Variants in SLC25A48 observed in about 807,000 individuals in gnomAD.
SLC25A48 encodes CTC-321K16.1.
Under a neutral mutation model 32.2 loss-of-function variants are expected in SLC25A48, and 29 were observed. That is an observed-to-expected ratio of 0.90 (90% confidence interval 0.67 to 1.23). The LOEUF is 1.23. Among genes scored for constraint, SLC25A48 ranks in the 50% most tolerant of loss-of-function variants. The pLI is 0.00. For synonymous variants in SLC25A48, 164 were observed against 172.3 expected (o/e 0.95, Z 0.38); for missense variants, 399 against 422.7 (o/e 0.94, Z 0.49).
chr5:135,722,864 T>C (rs563032212), intron 3 of SLC25A48, among the ~76,000 whole-genome samples: 50 of 152,362 alleles, frequency 3.3e-4, no homozygotes, highest in African/African-American at 1.2e-3. Context: ...TGTGATGGGC[T>C]CAGGCTTTTC....
intron 3 of SLC25A48, among the ~76,000 whole-genome samples, chr5:135,666,834 G>T (rs1312519515): frequency 6.6e-6 from 1 of 152,214 alleles, no homozygotes; most frequent in African/African-American, 2.4e-5. Flanking sequence ...GGCCAAGGGT[G>T]TAGGGTGGTG....
At chr5:135,823,917 G>C (rs1757956540) in intron 4 of SLC25A48, among the ~76,000 whole-genome samples, 1 of 152,204 alleles carries the variant, frequency 6.6e-6, no homozygotes, top group Non-Finnish European at 1.5e-5. Context: ...GGCTGGACTG[G>C]ACAGAGTGAA....
In SLC25A48 at chr5:135,834,954, A is replaced by G. The variant is rs374282466; in HGVS notation, c.46+61A>G. 3.8e-5 allele frequency: 59 copies of G among 1,553,612 alleles called. No homozygotes were observed. The East Asian group carries it at 8.6e-4, about 23-fold the overall frequency. ...AGCGAGCCTGGCGGAGTTTGCCTCT[A>G]TGCTCTGAGGAAACTTTGCCTCTGT... On this transcript the variant is annotated intron_variant, in intron 1 of 7. Coordinates refer to ENST00000681962, the MANE Select transcript of SLC25A48 (RefSeq NM_001349336.2).
chr5:135,817,650 AAC>A (rs1020411737), intron 4 of SLC25A48, among the ~76,000 whole-genome samples: 2 of 152,230 alleles, frequency 1.3e-5, no homozygotes, highest in Non-Finnish European at 2.9e-5. Context: ...GCATACAAAA[AAC>A]ACAAAAAATA....
At chr5:135,647,493 A>C (rs1483790847) in intron 3 of SLC25A48, among the ~76,000 whole-genome samples, 5 of 148,738 alleles carry the variant, frequency 3.4e-5, no homozygotes, top group Admixed American at 3.3e-4. Context: ...CTTGTCCCCA[A>C]ATCTCTGTAA....
intron 3 of SLC25A48, among the ~76,000 whole-genome samples, chr5:135,704,638 T>C (rs1754467453): frequency 6.6e-6 from 1 of 152,226 alleles, no homozygotes; most frequent in African/African-American, 2.4e-5. Flanking sequence ...ACCTTACATG[T>C]GTGATCTCAT....
intron 3 of SLC25A48, among the ~76,000 whole-genome samples, chr5:135,669,194 C>A (rs548019022): frequency 9.9e-5 from 15 of 152,220 alleles, no homozygotes; most frequent in African/African-American, 3.6e-4. Flanking sequence ...CTTCAAAGAA[C>A]CTATCTGATA....
At chr5:135,684,734 A>C (rs1185550899) in intron 3 of SLC25A48, among the ~76,000 whole-genome samples, 2 of 152,210 alleles carry the variant, frequency 1.3e-5, no homozygotes, top group Non-Finnish European at 2.9e-5. Flanking sequence ...TTTACGGTAG[A>C]TGTTGAAATT....
intron 4 of SLC25A48, among the ~76,000 whole-genome samples, chr5:135,820,041 C>A (rs1273736527): frequency 1.3e-5 from 2 of 151,732 alleles, no homozygotes; most frequent in African/African-American, 4.8e-5. Context: ...TAAACATACA[C>A]TTACCATGTG....
intron 3 of SLC25A48, among the ~76,000 whole-genome samples, chr5:135,771,309 C>T (rs537816888): frequency 6.6e-6 from 1 of 151,626 alleles, no homozygotes; most frequent in African/African-American, 2.4e-5. Flanking sequence ...TGATAACACT[C>T]TCCATATCGC....
chr5:135,796,797 G>A (rs1757192528), intron 3 of SLC25A48, among the ~76,000 whole-genome samples: 1 of 151,686 alleles, frequency 6.6e-6, no homozygotes. Flanking sequence ...GGGGAAAAAG[G>A]ATGATATTAC....
At chr5:135,776,161 C>A (rs1299653865) in intron 3 of SLC25A48, among the ~76,000 whole-genome samples, 1 of 151,390 alleles carries the variant, frequency 6.6e-6, no homozygotes, top group Non-Finnish European at 1.5e-5. Flanking sequence ...AGGGATTGTA[C>A]ACCTCACTTA....
intron 3 of SLC25A48, among the ~76,000 whole-genome samples, chr5:135,729,418 A>G (rs773219055): frequency 1.3e-5 from 2 of 152,044 alleles, no homozygotes; most frequent in African/African-American, 2.4e-5. Context: ...GAAAGACCGC[A>G]GTGTTCTTAG....
chr5:135,769,259 T>TTG (rs59534699), intron 3 of SLC25A48, among the ~76,000 whole-genome samples: 50,949 of 103,874 alleles, frequency 0.49, 10,937 homozygotes, highest in South Asian at 0.58. Context: ...TTTGCAATAT[T>TTG]GGGGGGGGAG....
chr5:135,768,336 C>A (rs1050351982), intron 3 of SLC25A48, among the ~76,000 whole-genome samples: 1 of 150,420 alleles, frequency 6.6e-6, no homozygotes, highest in African/African-American at 2.4e-5. Flanking sequence ...CAATTTCCAG[C>A]GAGTGTACAC....
chr5:135,601,878 TG>T (rs1444835805), intron 1 of SLC25A48, among the ~76,000 whole-genome samples: 2 of 152,210 alleles, frequency 1.3e-5, no homozygotes, highest in African/African-American at 4.8e-5. Flanking sequence ...TGACCCCGGG[TG>T]GTCACTTAAT....
chr5:135,659,958 A>T (rs181950987), intron 3 of SLC25A48, among the ~76,000 whole-genome samples: 1 of 152,232 alleles, frequency 6.6e-6, no homozygotes, highest in Non-Finnish European at 1.5e-5. Context: ...ACAGTTCAAC[A>T]TGTGATTTGG....
intron 1 of SLC25A48, among the ~76,000 whole-genome samples, chr5:135,579,999 T>C (rs1200687982): frequency 6.6e-6 from 1 of 152,260 alleles, no homozygotes; most frequent in Non-Finnish European, 1.5e-5. Context: ...GTGAGAACTA[T>C]AGAAATCATA....
intron 3 of SLC25A48, among the ~76,000 whole-genome samples, chr5:135,676,664 A>G (rs1164379637): frequency 2.0e-5 from 3 of 151,850 alleles, no homozygotes; most frequent in East Asian, 3.8e-4. Context: ...TTGTGTTTCA[A>G]TTGTCATTTG....
Sources: allele counts gnomAD v4.1 joint callset (sites outside exome capture counted in the v4.1 genomes callset), GRCh38; gene constraint gnomAD v4.1.1; transcripts MANE v1.5; gene names NCBI Gene and HGNC (gene_info 2026-07-23, HGNC 2026-07-21).